Variants in PDZD2 observed in about 807,000 individuals in gnomAD.
PDZD2 encodes the protein PDZ domain containing 2, also known as PDZ domain-containing protein 2.
A neutral mutation model predicts 220.7 loss-of-function variants in PDZD2; 90 were observed. The observed-to-expected ratio is 0.41, with a 90% CI of 0.34 to 0.49. PDZD2 has a LOEUF of 0.49. PDZD2 is among the 20% of genes least tolerant of loss of function. The pLI, the probability that PDZD2 is intolerant of heterozygous loss-of-function variation, is 0.28. For synonymous variants in PDZD2, 1,375 were observed against 1,450.5 expected, an observed-to-expected ratio of 0.95 and a Z score of 1.18; for missense variants, 3,174 against 3,608.5, an observed-to-expected ratio of 0.88 and a Z score of 3.08.
chr5:31,900,649 A>C (rs2150357655), intron 2 of PDZD2, among the ~76,000 whole-genome samples: 1 of 152,286 alleles, frequency 6.6e-6, no homozygotes, highest in South Asian at 2.1e-4. Flanking sequence ...TGGGGACCAT[A>C]ATTAGGTGAT....
intron 1 of PDZD2, among the ~76,000 whole-genome samples, chr5:31,742,986 A>T (rs1750357476): frequency 1.3e-5 from 2 of 152,180 alleles, no homozygotes; most frequent in East Asian, 3.9e-4. Flanking sequence ...TTCTAAGTGA[A>T]TTCAGAAACT....
intron 2 of PDZD2, among the ~76,000 whole-genome samples, chr5:31,966,922 C>T (rs1482532230): frequency 6.6e-6 from 1 of 152,110 alleles, no homozygotes; most frequent in South Asian, 2.1e-4. Flanking sequence ...AAAAATGCTC[C>T]GTACACTGTA....
In PDZD2 at chr5:32,090,874, C is replaced by T. The variant is rs1342361834; in HGVS notation, c.7426C>T (p.Pro2476Ser). ...KSSVRHTQPS[P>S]VSRSKLQELR... ...CTCGGTACGCCACACGCAGCCCTCG[C>T]CCGTGTCCCGCTCCAAGCTCCAGGA... The change falls in exon 20 of 25, where the codon CCC becomes TCC. Residue 2476 changes from proline to serine, a missense_variant. This residue lies in a region of PDZD2 where 631 missense variants were observed against 789.9 expected (regional missense o/e 0.80). Coordinates refer to ENST00000438447, the MANE Select transcript of PDZD2 (RefSeq NM_178140.4). The surrounding 1 kb of genome is among the most constrained non-coding windows in gnomAD (Gnocchi z 4.3). The T allele has an allele frequency of 1.2e-6, 2 of 1,613,880 alleles. No homozygotes were observed. The highest frequency in any genetic ancestry group is 1.7e-6 in the Non-Finnish European group (2 of 1,180,024).
intron 2 of PDZD2, among the ~76,000 whole-genome samples, chr5:31,877,421 A>G (rs28517618): frequency 0.058 from 8,748 of 151,932 alleles, 478 homozygotes; most frequent in African/African-American, 0.15. Context: ...ATCTTGCTGC[A>G]TTGCCCAGGC....
intron 1 of PDZD2, among the ~76,000 whole-genome samples, chr5:31,707,208 C>T (rs919973289): frequency 7.3e-5 from 11 of 151,196 alleles, no homozygotes; most frequent in Admixed American, 2.6e-4. Flanking sequence ...ATGTAAATGA[C>T]GAGTTAATGG....
chr5:31,806,091 C>G (rs28548346), intron 2 of PDZD2, among the ~76,000 whole-genome samples: 4,254 of 152,250 alleles, frequency 0.028, 188 homozygotes, highest in African/African-American at 0.097. Context: ...ACTACTAGTA[C>G]AGGTGACATT....
intron 6 of PDZD2, among the ~76,000 whole-genome samples, chr5:32,036,096 A>C (rs898544626): frequency 7.2e-5 from 11 of 152,146 alleles, no homozygotes; most frequent in Non-Finnish European, 1.2e-4. Flanking sequence ...GGCACCCGCC[A>C]CCATGCCCGG....
intron 1 of PDZD2, among the ~76,000 whole-genome samples, chr5:31,679,982 C>G (rs1746589743): frequency 6.6e-6 from 1 of 152,238 alleles, no homozygotes; most frequent in African/African-American, 2.4e-5. Flanking sequence ...TCGAACACCA[C>G]AGTCCTCAAA....
chr5:31,882,735 G>A (rs6450870), intron 2 of PDZD2, among the ~76,000 whole-genome samples: 57,312 of 151,860 alleles, frequency 0.38, 11,016 homozygotes, highest in South Asian at 0.51. Flanking sequence ...CAATTTAAAA[G>A]GCCCAGGTCT....
At chr5:32,048,850 A>C (rs992925503) in intron 8 of PDZD2, among the ~76,000 whole-genome samples, 166 bp downstream of exon 8, 2 of 152,246 alleles carry the variant, frequency 1.3e-5, no homozygotes, top group African/African-American at 4.8e-5. Context: ...AGTCAGCCTA[A>C]TACTTGAAAA....
intron 2 of PDZD2, among the ~76,000 whole-genome samples, chr5:31,817,503 A>G (rs1253423907): frequency 6.6e-6 from 1 of 152,136 alleles, no homozygotes; most frequent in Non-Finnish European, 1.5e-5. Flanking sequence ...AGAAAAAAAA[A>G]AAGTAGCACC....
At chr5:31,674,921 G>A (rs1746348294) in intron 1 of PDZD2, among the ~76,000 whole-genome samples, 1 of 152,196 alleles carries the variant, frequency 6.6e-6, no homozygotes, top group South Asian at 2.1e-4. Flanking sequence ...CAGGGGGGTG[G>A]AGGACTCAAG....
intron 2 of PDZD2, among the ~76,000 whole-genome samples, chr5:31,879,135 C>A (rs928038282): frequency 6.6e-6 from 1 of 151,484 alleles, no homozygotes; most frequent in African/African-American, 2.4e-5. Flanking sequence ...CGTCTGTAAT[C>A]CCAGCACTTT....
In PDZD2 at chr5:31,943,657, G is replaced by A. The variant is rs143972136; in HGVS notation, c.477-39498G>A. Among the ~76,000 whole-genome samples, 187 of 152,296 alleles carry A rather than the reference G, an allele frequency of 1.2e-3. 2 individuals carry two copies. Among genetic ancestry groups the A allele is most frequent in the African/African-American group, 4.3e-3 (180 of 41,566 alleles). ...AGAAGCCACAAGACACAAAGAAGCC[G>A]ACGAGGCAAATGCAGTCGCTATCAG... On this transcript the variant is annotated intron_variant, in intron 2 of 24. Coordinates refer to ENST00000438447, the MANE Select transcript of PDZD2 (RefSeq NM_178140.4).
At chr5:31,804,835 A>G (rs1206517743) in intron 2 of PDZD2, among the ~76,000 whole-genome samples, 1 of 152,208 alleles carries the variant, frequency 6.6e-6, no homozygotes, top group South Asian at 2.1e-4. Flanking sequence ...TGAAGAACAA[A>G]CTATAAGGTT....
At chr5:32,094,918 G>A (rs1031407583) in intron 21 of PDZD2, among the ~76,000 whole-genome samples, 3 of 151,988 alleles carry the variant, frequency 2.0e-5, no homozygotes, top group Admixed American at 1.3e-4. Flanking sequence ...AAGCACTTCC[G>A]CTTTCAGTAA....
At chr5:32,054,723 G>A (rs1414601305) in intron 10 of PDZD2, among the ~76,000 whole-genome samples, 2 of 152,070 alleles carry the variant, frequency 1.3e-5, no homozygotes, top group African/African-American at 4.8e-5. Flanking sequence ...GTAATATTGA[G>A]GTGCCAAGTT....
Position 32,037,251 on chromosome 5 carries a change from C to T in PDZD2, c.1428C>T (p.Pro476=). Residue 476 remains proline (P), a synonymous_variant, in exon 7 of 25, where the codon CCC becomes CCT. Transcript: ENST00000438447. ...VQRAMPGTDE[P]QDVCGAEESK... Reference sequence around the variant, plus strand: ...TTCAGATGCCTGGGACAGATGAACCCCAAGATGTGTGCGGTGCTGAGGAAT... The same window carrying T: ...TTCAGATGCCTGGGACAGATGAACCTCAAGATGTGTGCGGTGCTGAGGAAT... The T allele has an allele frequency of 1.2e-6, 2 of 1,613,134 alleles. No individual in the cohort carries two copies. Among genetic ancestry groups the T allele is most frequent in the East Asian group, 4.5e-5 (2 of 44,862 alleles).
intron 2 of PDZD2, among the ~76,000 whole-genome samples, chr5:31,900,835 C>T (rs1417833575): frequency 6.6e-6 from 1 of 152,104 alleles, no homozygotes; most frequent in Non-Finnish European, 1.5e-5. Context: ...TGCCAGGCCC[C>T]AAGGTTTCTG....
Sources: allele counts gnomAD v4.1 joint callset (sites outside exome capture counted in the v4.1 genomes callset), GRCh38; gene constraint gnomAD v4.1.1; regional missense constraint gnomAD v4.1.1; non-coding constraint Gnocchi (gnomAD v3.1); transcripts MANE v1.5; gene names NCBI Gene and HGNC (gene_info 2026-07-23, HGNC 2026-07-21).